The following INTS4 variants were observed in gnomAD, a reference collection of about 807,000 sequenced individuals.
INTS4 encodes integrator complex subunit 4.
INTS4 carries 70 observed loss-of-function variants against 119.5 expected under a neutral mutation model. That is an observed-to-expected ratio of 0.59 (90% CI 0.48 to 0.71). The LOEUF (loss-of-function observed/expected upper bound fraction) is 0.71. Among genes scored for constraint, INTS4 ranks in the 30% least tolerant of loss-of-function variants. INTS4 has a pLI of 0.00. For missense variants in INTS4, 867 were observed against 1,173.2 expected (o/e 0.74, Z 3.81); for synonymous variants, 316 against 419.6 (o/e 0.75, Z 3.02).
Position 77,899,599 on chromosome 11 carries a change from G to A in INTS4, c.2228+1822C>T, listed in dbSNP as rs1174796261. ...GCAGGAGAATCGCTTGAACCCAGGAGGCAGAGGTTGCAGTGAGCTGAGATC... is the reference window on the plus strand; with the variant it reads ...GCAGGAGAATCGCTTGAACCCAGGAAGCAGAGGTTGCAGTGAGCTGAGATC... On this transcript the variant is annotated intron_variant, in intron 18 of 22. Transcript: ENST00000534064. 1.4e-3 allele frequency among the ~76,000 whole-genome samples: 210 copies of A among 151,778 alleles called. 1 individual carries two copies. Among genetic ancestry groups the A allele is most frequent in the African/African-American group, 5.0e-3 (208 of 41,202 alleles).
chr11:77,935,546 T>C (rs1953768132), intron 10 of INTS4, among the ~76,000 whole-genome samples: 1 of 152,010 alleles, frequency 6.6e-6, no homozygotes, highest in African/African-American at 2.4e-5. Flanking sequence ...CTCAAAACAA[T>C]GAGAGGAAAC....
At chr11:77,958,563 C>T (rs1954387114) in intron 7 of INTS4, among the ~76,000 whole-genome samples, 183 bp downstream of exon 7, 1 of 152,228 alleles carries the variant, frequency 6.6e-6, no homozygotes, top group Non-Finnish European at 1.5e-5. Context: ...CAGAAAGTTC[C>T]TATCAGAGAT....
rs116956864 is a variant in INTS4 at position 77,961,196 on chromosome 11, A to T, written c.472-58T>A. Reference sequence around the variant, plus strand: ...AAAAGAAAAAAAGGACATGATTAAGATATCTTAACAAACACAGACAAGACC... The same window carrying T: ...AAAAGAAAAAAAGGACATGATTAAGTTATCTTAACAAACACAGACAAGACC... On this transcript the variant is annotated intron_variant, in intron 4 of 22. Coordinates refer to ENST00000534064, the MANE Select transcript of INTS4 (RefSeq NM_033547.4). 2.6e-3 allele frequency: 3,879 copies of T among 1,469,680 alleles called. 92 individuals are homozygous for T. In the Admixed American group the frequency reaches 0.047, roughly 18 times the overall value. 91.0% of individuals were successfully genotyped at this position (1,469,680 alleles called of 1,614,324 possible). A position where few individuals can be genotyped will look rare whatever the true frequency, so the allele number is the denominator to read the frequency against.
intron 19 of INTS4, among the ~76,000 whole-genome samples, chr11:77,893,878 G>A (rs1952387597): frequency 9.3e-6 from 1 of 107,722 alleles, no homozygotes. Flanking sequence ...GGGTGACAGA[G>A]CAAGACTCTG....
At chr11:77,924,495 G>A (rs1953446789) in intron 12 of INTS4, 2 of 401,636 alleles carry the variant, frequency 5.0e-6, no homozygotes, top group South Asian at 1.0e-4. Flanking sequence ...ACAAGGGTTG[G>A]TGCATAGTCA....
intron 14 of INTS4, 23 bp downstream of exon 14, chr11:77,921,317 G>C (rs1442211608): frequency 6.2e-7 from 1 of 1,606,148 alleles, no homozygotes; most frequent in Non-Finnish European, 8.5e-7. Context: ...TAAAAACAAG[G>C]ACAACAGATG....
At chr11:77,933,199 C>T (rs1486365632) in intron 10 of INTS4, among the ~76,000 whole-genome samples, 2 of 151,932 alleles carry the variant, frequency 1.3e-5, no homozygotes, top group Admixed American at 1.3e-4. Flanking sequence ...TGTCCCTCTC[C>T]GTCCCCCTCT....
At chr11:77,932,899 G>C (rs1228927965) in intron 10 of INTS4, among the ~76,000 whole-genome samples, 1 of 124,424 alleles carries the variant, frequency 8.0e-6, no homozygotes, top group Admixed American at 1.1e-4. Context: ...AGTGGGAGGT[G>C]AACAATGAGA....
chr11:77,920,206 C>CACATATATATACACATATACAT (rs1555026387), intron 14 of INTS4, among the ~76,000 whole-genome samples: 1 of 88,958 alleles, frequency 1.1e-5, no homozygotes, highest in East Asian at 2.8e-4. Context: ...CATATATATA[C>CACATATATATACACATATACAT]ACACATATAT....
intron 6 of INTS4, among the ~76,000 whole-genome samples, chr11:77,959,524 A>G (rs1225703872): frequency 6.6e-6 from 1 of 152,022 alleles, no homozygotes; most frequent in Non-Finnish European, 1.5e-5. Context: ...GCCACCAAAC[A>G]TCTGAATCAG....
intron 19 of INTS4, among the ~76,000 whole-genome samples, chr11:77,892,832 C>T (rs1350429061): frequency 1.3e-5 from 2 of 152,188 alleles, no homozygotes; most frequent in African/African-American, 4.8e-5. Flanking sequence ...ATCCACCCGC[C>T]TCAGCCTCCC....
chr11:77,967,018 C>T lies in INTS4; in HGVS notation c.472-5880G>A, dbSNP rs142014579. Among the ~76,000 whole-genome samples, 479 of 152,102 alleles carry T rather than the reference C, an allele frequency of 3.1e-3. 2 individuals are homozygous for T. Among genetic ancestry groups the T allele is most frequent in the African/African-American group, 0.011 (459 of 41,504 alleles). Reference sequence around the variant, plus strand: ...GCCAATACTTTTTTTTTCTTTTTGGCAATAGCTATCCTAATGGGTATGAAG... The same window carrying T: ...GCCAATACTTTTTTTTTCTTTTTGGTAATAGCTATCCTAATGGGTATGAAG... On this transcript the variant is annotated intron_variant, in intron 4 of 22. Transcript: ENST00000534064.
intron 12 of INTS4, 198 bp from the exon 13 acceptor site, chr11:77,922,669 A>T: frequency 1.3e-6 from 1 of 785,470 alleles, no homozygotes; most frequent in Non-Finnish European, 2.0e-6. Flanking sequence ...TGGTTATTAT[A>T]AAGATAAAAG....
intron 18 of INTS4, among the ~76,000 whole-genome samples, chr11:77,901,065 T>C (rs576545811): frequency 6.6e-5 from 10 of 152,202 alleles, no homozygotes; most frequent in Non-Finnish European, 1.0e-4. Flanking sequence ...AAAAGCTTAT[T>C]AGTCCCTTCA....
At chr11:77,957,641 A>G (rs1451940939) in intron 7 of INTS4, among the ~76,000 whole-genome samples, 3 of 107,582 alleles carry the variant, frequency 2.8e-5, no homozygotes, top group Non-Finnish European at 5.7e-5. Context: ...CCTTAAGTTT[A>G]TTATCTTCTG....
chr11:77,907,200 G>A (rs554759468), intron 16 of INTS4, among the ~76,000 whole-genome samples: 10 of 152,114 alleles, frequency 6.6e-5, no homozygotes, highest in Admixed American at 3.9e-4. Context: ...AACTCCAGCC[G>A]AGTAGCTGGA....
intron 8 of INTS4, among the ~76,000 whole-genome samples, chr11:77,948,710 A>C (rs1954112714): frequency 6.7e-6 from 1 of 149,558 alleles, no homozygotes; most frequent in Non-Finnish European, 1.5e-5. Flanking sequence ...AAAATCTTGA[A>C]TATAAATGGA....
intron 8 of INTS4, among the ~76,000 whole-genome samples, chr11:77,943,836 G>A (rs994590755): frequency 2.6e-5 from 4 of 152,156 alleles, no homozygotes; most frequent in African/African-American, 4.8e-5. Flanking sequence ...CTGCTCAACT[G>A]GTGTAAATAA....
chr11:77,888,461 CA>C (rs1952115446), intron 21 of INTS4, among the ~76,000 whole-genome samples: 2 of 152,098 alleles, frequency 1.3e-5, no homozygotes, highest in African/African-American at 4.8e-5. Context: ...CACCTAAAAC[CA>C]TAAAAACCCT....
Sources: allele counts gnomAD v4.1 joint callset (sites outside exome capture counted in the v4.1 genomes callset), GRCh38; gene constraint gnomAD v4.1.1; transcripts MANE v1.5; gene names NCBI Gene and HGNC (gene_info 2026-07-23, HGNC 2026-07-21).